The following MPZL1 variants were observed in gnomAD, a reference collection of about 807,000 sequenced individuals.
MPZL1 encodes the protein myelin protein zero-like protein 1.
In MPZL1, 16 loss-of-function variants were observed where a neutral mutation model predicts 29.3. That is an observed-to-expected ratio of 0.55 (90% CI 0.37 to 0.83). The LOEUF is 0.83. Among genes scored for constraint, MPZL1 ranks in the 40% least tolerant of loss-of-function variants. The pLI, the probability that MPZL1 is intolerant of heterozygous loss-of-function variation, is 0.00. For synonymous variants in MPZL1, 143 were observed against 132.0 expected (o/e 1.08, Z -0.57); for missense variants, 279 against 332.9 (o/e 0.84, Z 1.26).
chr1:167,776,531 CTAAGA>C (rs1318356555), intron 5 of MPZL1, among the ~76,000 whole-genome samples: 2 of 152,032 alleles, frequency 1.3e-5, no homozygotes, highest in African/African-American at 4.8e-5. Context: ...TTGAGGTACT[CTAAGA>C]TAAGAAATTA....
chr1:167,756,270 CCCT>C (rs1660866755), intron 1 of MPZL1, among the ~76,000 whole-genome samples: 1 of 151,920 alleles, frequency 6.6e-6, no homozygotes, highest in Admixed American at 6.6e-5. Flanking sequence ...TATCTCAGCC[CCCT>C]GAGTAGCTGA....
chr1:167,746,285 G>A (rs1168086721), intron 1 of MPZL1, among the ~76,000 whole-genome samples: 2 of 151,822 alleles, frequency 1.3e-5, no homozygotes, highest in African/African-American at 4.8e-5. Flanking sequence ...GTTTGATGTG[G>A]CAAAAATGTA....
At chr1:167,781,622 A>C (rs1558126178) in intron 5 of MPZL1, among the ~76,000 whole-genome samples, 1 of 144,864 alleles carries the variant, frequency 6.9e-6, no homozygotes, top group South Asian at 2.2e-4. Flanking sequence ...AGAAAAAAAT[A>C]AAGCTCTAAA....
chr1:167,763,580 G>A (rs990338884), intron 1 of MPZL1, among the ~76,000 whole-genome samples: 1 of 152,056 alleles, frequency 6.6e-6, no homozygotes, highest in Non-Finnish European at 1.5e-5. Context: ...TGGCTTTCCA[G>A]TACTCATCAC....
At chr1:167,775,858 T>G (rs1050653991) in intron 4 of MPZL1, among the ~76,000 whole-genome samples, 2 of 152,158 alleles carry the variant, frequency 1.3e-5, no homozygotes, top group Non-Finnish European at 2.9e-5. Flanking sequence ...CAGTGATGAG[T>G]TCATTGACTT....
intron 1 of MPZL1, among the ~76,000 whole-genome samples, chr1:167,742,315 T>C (rs1660547977): frequency 6.6e-6 from 1 of 152,036 alleles, no homozygotes; most frequent in African/African-American, 2.4e-5. Flanking sequence ...TTTGATCTTA[T>C]CAAATTGTTC....
rs543442960 is a variant in MPZL1 at position 167,731,457 on chromosome 1, G to A, written c.91+9215G>A. ...GTCTTTTTTTTTTTTTTTTTTTTGAGACGGAGTCTTGCTCTGTCGCCCAGG... is the reference window on the plus strand; with the variant it reads ...GTCTTTTTTTTTTTTTTTTTTTTGAAACGGAGTCTTGCTCTGTCGCCCAGG... On this transcript the variant is annotated intron_variant, in intron 1 of 5. Coordinates refer to ENST00000359523, the MANE Select transcript of MPZL1 (RefSeq NM_003953.6). Among the ~76,000 whole-genome samples the A allele has an allele frequency of 2.3e-5, 3 of 128,928 alleles. No homozygotes were observed. The East Asian group carries it at 7.1e-4, about 31-fold the overall frequency. The allele number at this position is 128,928 out of a possible 152,430, so 84.6% of individuals were successfully genotyped here.
chr1:167,779,415 T>A (rs1021792376), intron 5 of MPZL1, among the ~76,000 whole-genome samples: 22 of 151,686 alleles, frequency 1.5e-4, no homozygotes, highest in African/African-American at 4.6e-4. Context: ...CAAAACCCCA[T>A]CTCTCCTAAA....
chr1:167,724,509 T>C (rs1436270742), intron 1 of MPZL1, among the ~76,000 whole-genome samples: 1 of 152,222 alleles, frequency 6.6e-6, no homozygotes, highest in African/African-American at 2.4e-5. Flanking sequence ...AGGACACATG[T>C]TGATGCGCCA....
At chr1:167,782,521 G>A (rs1661517857) in intron 5 of MPZL1, among the ~76,000 whole-genome samples, 1 of 152,136 alleles carries the variant, frequency 6.6e-6, no homozygotes, top group African/African-American at 2.4e-5. Context: ...TCTTCTGCCT[G>A]TGTCTTGGAT....
chr1:167,753,491 G>A (rs928312223), intron 1 of MPZL1, among the ~76,000 whole-genome samples: 4 of 152,170 alleles, frequency 2.6e-5, no homozygotes, highest in Non-Finnish European at 5.9e-5. Flanking sequence ...AACATATCTC[G>A]AAAGTACCCA....
chr1:167,738,262 T>G (rs1032026732), intron 1 of MPZL1, among the ~76,000 whole-genome samples: 2 of 151,980 alleles, frequency 1.3e-5, no homozygotes, highest in African/African-American at 4.8e-5. Flanking sequence ...TTTTTTTGAT[T>G]TAACTAAATA....
chr1:167,758,200 A>G (rs575843929), intron 1 of MPZL1, among the ~76,000 whole-genome samples: 1 of 152,116 alleles, frequency 6.6e-6, no homozygotes, highest in Admixed American at 6.5e-5. Context: ...AGTATGCTAT[A>G]AATGGACCCA....
rs1660044435 is a variant in MPZL1 at position 167,722,231 on chromosome 1, C to T, written c.80C>T (p.Ala27Val). Residue 27 changes from alanine (A) to valine (V), a missense_variant, in exon 1 of 6, where the codon GCG (alanine) becomes GTG (valine). Transcript: ENST00000359523. ...RRWLWSVLAAALGLLTAGVSA... is the reference protein window; with the variant it reads ...RRWLWSVLAAVLGLLTAGVSA... ...TGGCTGTGGTCGGTGCTGGCGGCGG[C>T]GCTTGGGCTCTGTAAGTGATGCCAG... 3 of 1,239,018 alleles carry T rather than the reference C, an allele frequency of 2.4e-6. No individual in the cohort carries two copies. The South Asian group carries it at 1.2e-4, about 51-fold the overall frequency. The allele number at this position is 1,239,018 out of a possible 1,614,324, so 76.8% of individuals were successfully genotyped here.
intron 1 of MPZL1, among the ~76,000 whole-genome samples, chr1:167,760,858 G>A (rs1035164127): frequency 4.7e-5 from 7 of 147,720 alleles, no homozygotes; most frequent in African/African-American, 9.9e-5. Flanking sequence ...AAATAGATAC[G>A]CAGTCAGAGA....
Position 167,773,249 on chromosome 1 carries a change from G to A in MPZL1, c.486G>A (p.Val162=), listed in dbSNP as rs1661288905. 4 of 1,613,064 alleles carry A rather than the reference G, an allele frequency of 2.5e-6. No homozygotes were observed. The African/African-American group carries it at 4.0e-5, about 16-fold the overall frequency. Residue 162 remains valine (V), a synonymous_variant, in exon 4 of 6, where the codon GTG becomes GTA. Coordinates refer to ENST00000359523, the MANE Select transcript of MPZL1 (RefSeq NM_003953.6). The part of the protein sequence containing the change: ...LYVVEKENLP[V]FPVWVVVGIV... ...CTTTCTCTCTAGAGAATTTGCCTGT[G>A]TTTCCAGTTTGGGTAGTGGTGGGCA...
intron 1 of MPZL1, among the ~76,000 whole-genome samples, chr1:167,763,819 A>G (rs1316778768): frequency 1.3e-5 from 2 of 152,166 alleles, no homozygotes; most frequent in African/African-American, 2.4e-5. Context: ...ATAATAATCT[A>G]TTGTTCCCTG....
At chr1:167,759,506 C>A (rs1660936683) in intron 1 of MPZL1, among the ~76,000 whole-genome samples, 1 of 152,202 alleles carries the variant, frequency 6.6e-6, no homozygotes, top group Non-Finnish European at 1.5e-5. Flanking sequence ...GATTTAGTTT[C>A]TCTCTTTACC....
At chr1:167,775,526 G>A (rs1017156720) in intron 4 of MPZL1, among the ~76,000 whole-genome samples, 1 of 152,140 alleles carries the variant, frequency 6.6e-6, no homozygotes, top group African/African-American at 2.4e-5. Context: ...TGAGTTTTTG[G>A]GGGGATTTGA....
Sources: gnomAD v4.1 joint callset for allele counts (sites outside exome capture counted in the v4.1 genomes callset) on GRCh38, gnomAD v4.1.1 for gene constraint, MANE v1.5 for transcripts, NCBI Gene and HGNC (gene_info 2026-07-23, HGNC 2026-07-21) for gene names.